PPM1B: variants seen among roughly 807,000 people sequenced by gnomAD.
The protein encoded by PPM1B is protein phosphatase, Mg2+/Mn2+ dependent 1B.
Under a neutral mutation model 43.0 loss-of-function variants are expected in PPM1B, and 22 were observed. That is an observed-to-expected ratio of 0.51 (90% confidence interval 0.37 to 0.73). The LOEUF is 0.73. Among genes scored for constraint, PPM1B ranks in the 30% least tolerant of loss-of-function variants. The probability of loss-of-function intolerance (pLI) is 0.00; values close to 1 mark genes in which losing one functional copy is unlikely to be tolerated. For missense variants in PPM1B, 632 were observed against 584.2 expected (o/e 1.08, Z -0.84); for synonymous variants, 217 against 197.9 (o/e 1.10, Z -0.81).
rs748470390 is a variant in PPM1B at position 44,201,900 on chromosome 2, A to G, written c.701A>G (p.Glu234Gly). ...GTTTATGAAATTTTAAGAGCAGAAG[A>G]GGATGAATTTATCATCTTGGCTTGT... ...PEVYEILRAE[E>G]DEFIILACDG... Residue 234 changes from glutamate (E) to glycine (G), a missense_variant, in exon 2 of 6, where the codon GAG becomes GGG. Transcript: ENST00000282412. The surrounding 1 kb of genome is among the most constrained non-coding windows in gnomAD (Gnocchi z 5.4). 1.5e-5 allele frequency: 24 copies of G among 1,614,180 alleles called. No individual in the cohort carries two copies. The highest frequency in any genetic ancestry group is 1.9e-5 in the Non-Finnish European group (23 of 1,180,016).
At position 44,229,914 on chromosome 2, in the gene PPM1B, A is replaced by T. The variant is rs564963628; in HGVS notation, c.1135-499A>T. 3.8e-4 allele frequency: 487 copies of T among 1,270,168 alleles called. 9 individuals are homozygous for T. In the South Asian group the frequency reaches 6.8e-3, roughly 18 times the overall value. The allele number at this position is 1,270,168 out of a possible 1,614,324, so 78.7% of individuals were successfully genotyped here. A position where few individuals can be genotyped will look rare whatever the true frequency, so the allele number is the denominator to read the frequency against. On this transcript the variant is annotated intron_variant, in intron 5 of 5. Transcript: ENST00000282412. ...AGAGCAAAAAGTAAATACAATTTTT[A>T]TCCGTAAAAACTCTAAAATCTTTCA...
chr2:44,220,228 A>C (rs1398508099), intron 5 of PPM1B, among the ~76,000 whole-genome samples: 1 of 151,480 alleles, frequency 6.6e-6, no homozygotes, highest in Non-Finnish European at 1.5e-5. Flanking sequence ...CAGGTGTTTC[A>C]AAGTGTCAAC....
intron 1 of PPM1B, among the ~76,000 whole-genome samples, chr2:44,195,496 C>T (rs1558403394): frequency 6.6e-6 from 1 of 152,132 alleles, no homozygotes; most frequent in Admixed American, 6.5e-5. Flanking sequence ...CAGGCATGAG[C>T]CACCATGCCC....
At position 44,169,152 on chromosome 2, in the gene PPM1B, G is replaced by T. The variant is rs1667187142; in HGVS notation, c.-137G>T. ...GGTGTAAACAGCCCCGGAGGCGGCGGTCGAGACCCCGAGGGGGAAGCGGCG... is the reference window on the plus strand; with the variant it reads ...GGTGTAAACAGCCCCGGAGGCGGCGTTCGAGACCCCGAGGGGGAAGCGGCG... On this transcript the variant is annotated 5_prime_UTR_variant, in exon 1 of 6. Transcript: ENST00000282412. 5.7e-6 allele frequency: 1 copy of T among 175,628 alleles called. No homozygotes were observed. 10.9% of individuals were successfully genotyped at this position (175,628 alleles called of 1,614,324 possible).
intron 2 of PPM1B, among the ~76,000 whole-genome samples, chr2:44,207,139 T>C (rs1669228585): frequency 6.6e-6 from 1 of 152,222 alleles, no homozygotes; most frequent in Non-Finnish European, 1.5e-5. Context: ...TGAAGTCTTC[T>C]GAAGACCCAA....
At chr2:44,197,486 T>C (rs1668720125) in intron 1 of PPM1B, among the ~76,000 whole-genome samples, 1 of 152,232 alleles carries the variant, frequency 6.6e-6, no homozygotes, top group Non-Finnish European at 1.5e-5. Context: ...AACATTACTC[T>C]TCTGTTAACT....
At chr2:44,171,042 G>C (rs1667316550) in intron 1 of PPM1B, among the ~76,000 whole-genome samples, 2 of 151,738 alleles carry the variant, frequency 1.3e-5, no homozygotes, top group Admixed American at 6.6e-5. Flanking sequence ...GGTTCTTTTT[G>C]TTGCTGTATA....
At chr2:44,209,091 G>T in intron 2 of PPM1B, 119 bp from the exon 3 acceptor site, 2 of 875,180 alleles carry the variant, frequency 2.3e-6, no homozygotes, top group Non-Finnish European at 3.3e-6. Flanking sequence ...AAAAATGAAT[G>T]TGTTAAACAT....
At chr2:44,177,387 G>A (rs1448908256) in intron 1 of PPM1B, among the ~76,000 whole-genome samples, 1 of 141,196 alleles carries the variant, frequency 7.1e-6, no homozygotes, top group Non-Finnish European at 1.5e-5. Flanking sequence ...GTTCTGGAGT[G>A]TTTGGAATTG....
At chr2:44,182,822 G>T (rs1430747252) in intron 1 of PPM1B, among the ~76,000 whole-genome samples, 1 of 152,038 alleles carries the variant, frequency 6.6e-6, no homozygotes, top group Non-Finnish European at 1.5e-5. Flanking sequence ...AGGAAGGTAG[G>T]GTATGTGTGG....
intron 1 of PPM1B, among the ~76,000 whole-genome samples, chr2:44,178,084 A>C (rs1232200861): frequency 6.6e-6 from 1 of 151,416 alleles, no homozygotes; most frequent in Non-Finnish European, 1.5e-5. Flanking sequence ...CATCTGGCTA[A>C]TTTTTGTGTT....
chr2:44,236,648 G>A (rs1308496366), downstream of PPM1B, among the ~76,000 whole-genome samples: 2 of 152,060 alleles, frequency 1.3e-5, no homozygotes, highest in Non-Finnish European at 2.9e-5. Flanking sequence ...CTGAAACCTT[G>A]GAAAATACGC....
At chr2:44,229,142 A>G (rs867812849) in intron 5 of PPM1B, among the ~76,000 whole-genome samples, 1 of 151,556 alleles carries the variant, frequency 6.6e-6, no homozygotes, top group Admixed American at 6.6e-5. Context: ...AGAACATGCC[A>G]TTGCCCTCCA....
At chr2:44,239,633 A>G (rs777216265), downstream of PPM1B, among the ~76,000 whole-genome samples, 8 of 152,242 alleles carry the variant, frequency 5.3e-5, no homozygotes, top group African/African-American at 9.6e-5. Context: ...TGAAAACCCA[A>G]TCATCATGCT....
At chr2:44,236,636 T>C (rs1211311644), downstream of PPM1B, among the ~76,000 whole-genome samples, 3 of 152,148 alleles carry the variant, frequency 2.0e-5, no homozygotes, top group African/African-American at 7.2e-5. Flanking sequence ...CTGATATATT[T>C]TCTGAAACCT....
downstream of PPM1B, chr2:44,232,558 G>T: frequency 7.1e-7 from 1 of 1,398,768 alleles, no homozygotes. Flanking sequence ...AGTATTTTTT[G>T]CCAACCTCAG....
At chr2:44,237,032 T>C (rs1670641583), downstream of PPM1B, among the ~76,000 whole-genome samples, 1 of 152,224 alleles carries the variant, frequency 6.6e-6, no homozygotes, top group African/African-American at 2.4e-5. Context: ...GTTAACATAA[T>C]TGTTAAGATG....
intron 5 of PPM1B, among the ~76,000 whole-genome samples, chr2:44,221,327 A>T (rs1004398240): frequency 2.0e-5 from 3 of 152,216 alleles, no homozygotes; most frequent in African/African-American, 4.8e-5. Flanking sequence ...ATGTTGAACT[A>T]TAATTGCAAG....
At chr2:44,199,401 A>G (rs1668827260) in intron 1 of PPM1B, among the ~76,000 whole-genome samples, 1 of 151,086 alleles carries the variant, frequency 6.6e-6, no homozygotes, top group African/African-American at 2.4e-5. Context: ...AAGCAGGAGA[A>G]TGGCTTGTGA....
Sources: gnomAD v4.1 joint callset for allele counts (sites outside exome capture counted in the v4.1 genomes callset) on GRCh38, gnomAD v4.1.1 for gene constraint, Gnocchi (gnomAD v3.1) non-coding constraint, MANE v1.5 for transcripts, NCBI Gene and HGNC (gene_info 2026-07-23, HGNC 2026-07-21) for gene names.